Variants in MTAP observed in about 807,000 individuals in gnomAD.
The protein encoded by MTAP is methylthioadenosine phosphorylase.
MTAP carries 33 observed loss-of-function variants against 33.6 expected under a neutral mutation model. The ratio of observed to expected loss-of-function variants is 0.98; its 90% confidence interval spans 0.74 to 1.31. MTAP has a LOEUF of 1.31. MTAP is among the 40% of genes most tolerant of loss of function. The probability of loss-of-function intolerance (pLI) is 0.00; values close to 1 mark genes in which losing one functional copy is unlikely to be tolerated. For missense variants in MTAP, 367 were observed against 360.0 expected (o/e 1.02, Z -0.16); for synonymous variants, 148 against 125.7 (o/e 1.18, Z -1.19).
rs1416760858 is a variant in MTAP, at chr9:21,864,238, CTCAA to C, written c.*2228_*2231del. 7.1e-6 allele frequency: 7 copies of C among 985,266 alleles called. No homozygotes were observed. Among genetic ancestry groups the C allele is most frequent in the Admixed American group, 1.2e-4 (2 of 16,254 alleles). 61.0% of individuals were successfully genotyped at this position (985,266 alleles called of 1,614,324 possible). A position where few individuals can be genotyped will look rare whatever the true frequency, so the allele number is the denominator to read the frequency against. On this transcript the variant is annotated 3_prime_UTR_variant, in exon 8 of 8. Coordinates refer to ENST00000644715, the MANE Select transcript of MTAP (RefSeq NM_002451.4). ...AATGCAGTATACTCTTTTCTTTGTT[CTCAA>C]TCATTCACTCCTTATGCAAAGCCAA...
At chr9:21,925,263 T>A (rs1587301805) in intron 1 of MTAP, among the ~76,000 whole-genome samples, 1 of 152,150 alleles carries the variant, frequency 6.6e-6, no homozygotes. Context: ...GAGGCCCTGG[T>A]GAAACACACT....
At chr9:21,831,993 T>C (rs1373288483) in intron 4 of MTAP, among the ~76,000 whole-genome samples, 1 of 152,214 alleles carries the variant, frequency 6.6e-6, no homozygotes, top group Non-Finnish European at 1.5e-5. Context: ...CAGAATTCTT[T>C]CCTGGCTGTG....
At chr9:21,851,987 A>G (rs150801630) in intron 5 of MTAP, among the ~76,000 whole-genome samples, 4 of 152,250 alleles carry the variant, frequency 2.6e-5, no homozygotes, top group African/African-American at 7.2e-5. Context: ...ATGTGAGTTA[A>G]TACTTAATAA....
intron 1 of MTAP, chr9:21,930,906 C>T: frequency 1.6e-6 from 1 of 639,662 alleles, no homozygotes; most frequent in South Asian, 1.8e-5. Flanking sequence ...TCCCTGGGTT[C>T]TTCCCTTTTT....
At chr9:21,892,244 A>G (rs1199915224) in intron 1 of MTAP, 2 of 152,216 alleles carry the variant, frequency 1.3e-5, no homozygotes, top group Non-Finnish European at 2.9e-5. Flanking sequence ...TAACAATACA[A>G]TGACAGGAAC....
At chr9:21,902,407 A>G (rs1818407389) in intron 1 of MTAP, among the ~76,000 whole-genome samples, 1 of 152,242 alleles carries the variant, frequency 6.6e-6, no homozygotes, top group Non-Finnish European at 1.5e-5. Context: ...TTTAGCTCCT[A>G]TAATGGATCA....
intron 1 of MTAP, among the ~76,000 whole-genome samples, chr9:21,905,138 CAG>C (rs1017903683): frequency 2.8e-4 from 43 of 152,182 alleles, no homozygotes; most frequent in African/African-American, 9.7e-4. Context: ...ATTGCAAGGA[CAG>C]AGGGTTTTCT....
intron 5 of MTAP, among the ~76,000 whole-genome samples, chr9:21,852,289 A>G (rs1825532034): frequency 6.6e-6 from 1 of 152,078 alleles, no homozygotes; most frequent in African/African-American, 2.4e-5. Context: ...TGGGTGGATC[A>G]CAAGGTCAGG....
intron 1 of MTAP, among the ~76,000 whole-genome samples, chr9:21,905,593 G>A (rs893279145): frequency 3.9e-5 from 6 of 152,060 alleles, no homozygotes; most frequent in African/African-American, 1.5e-4. Context: ...ACAAAATGTA[G>A]CAAACACTGT....
At chr9:21,875,351 T>C (rs1295404558) in intron 1 of MTAP, among the ~76,000 whole-genome samples, 1 of 152,188 alleles carries the variant, frequency 6.6e-6, no homozygotes, top group Admixed American at 6.5e-5. Context: ...TGACCAGTGA[T>C]GTTGAGCTTT....
chr9:21,824,395 C>T (rs916429751), intron 4 of MTAP, among the ~76,000 whole-genome samples: 2 of 152,188 alleles, frequency 1.3e-5, no homozygotes, highest in Admixed American at 6.5e-5. Context: ...TGGATATCAG[C>T]AGTGGAGGCT....
chr9:21,884,312 A>T (rs980702150), intron 1 of MTAP, among the ~76,000 whole-genome samples: 1 of 152,166 alleles, frequency 6.6e-6, no homozygotes. Context: ...AATGGACACA[A>T]CACAATGCTC....
intron 1 of MTAP, among the ~76,000 whole-genome samples, chr9:21,899,770 C>T (rs1313704924): frequency 6.6e-6 from 1 of 152,092 alleles, no homozygotes; most frequent in Non-Finnish European, 1.5e-5. Flanking sequence ...GATTACAATT[C>T]AAGGTGAGAT....
downstream of MTAP, chr9:21,940,976 A>T: frequency 2.0e-6 from 2 of 985,230 alleles, no homozygotes; most frequent in Non-Finnish European, 2.4e-6. Context: ...TTCAGGTGAC[A>T]ACTTTCAAAG....
chr9:21,923,589 G>C (rs1036746833), intron 1 of MTAP, among the ~76,000 whole-genome samples: 19 of 152,136 alleles, frequency 1.2e-4, no homozygotes, highest in African/African-American at 4.6e-4. Flanking sequence ...TAGCAGAGGG[G>C]TTGTCCTGTC....
chr9:21,815,366 G>C, intron 1 of MTAP, 67 bp from the exon 2 acceptor site: 1 of 1,132,450 alleles, frequency 8.8e-7, no homozygotes, highest in South Asian at 1.5e-5. Flanking sequence ...AAATGAATTT[G>C]CTTAGAATCT....
chr9:21,903,559 G>C (rs1209169360), intron 1 of MTAP, among the ~76,000 whole-genome samples: 2 of 152,020 alleles, frequency 1.3e-5, no homozygotes, highest in African/African-American at 4.8e-5. Context: ...TTGAACCCAG[G>C]CACTGTATGA....
intron 4 of MTAP, among the ~76,000 whole-genome samples, chr9:21,825,696 C>A (rs1824777068): frequency 6.6e-6 from 1 of 152,078 alleles, no homozygotes; most frequent in Admixed American, 6.5e-5. Flanking sequence ...CAAAAATTAG[C>A]CATGTGTGTT....
chr9:21,876,795 C>T (rs965466413), intron 1 of MTAP, among the ~76,000 whole-genome samples: 24 of 151,924 alleles, frequency 1.6e-4, no homozygotes, highest in African/African-American at 5.8e-4. Flanking sequence ...AGTTGGGCAA[C>T]GTGATGCCTC....
Sources: allele counts gnomAD v4.1 joint callset (sites outside exome capture counted in the v4.1 genomes callset), GRCh38; gene constraint gnomAD v4.1.1; transcripts MANE v1.5; gene names NCBI Gene and HGNC (gene_info 2026-07-23, HGNC 2026-07-21).